The following HMGXB3 variants were observed in gnomAD, a reference collection of about 807,000 sequenced individuals.
The protein encoded by HMGXB3 is HMG-box containing 3, also known as HMG domain-containing protein 3.
A neutral mutation model predicts 121.5 loss-of-function variants in HMGXB3; 45 were observed. That is an observed-to-expected ratio of 0.37 (90% CI 0.29 to 0.47). The LOEUF (loss-of-function observed/expected upper bound fraction) is 0.47. HMGXB3 is among the 20% of genes least tolerant of loss of function. The pLI is 0.99. For synonymous variants in HMGXB3, 590 were observed against 624.1 expected (o/e 0.95, Z 0.81); for missense variants, 1,376 against 1,602.2 (o/e 0.86, Z 2.41).
At chr5:150,004,329 A>G (rs2113720945) in intron 1 of HMGXB3, among the ~76,000 whole-genome samples, 1 of 152,366 alleles carries the variant, frequency 6.6e-6, no homozygotes, top group Middle Eastern at 3.4e-3. Flanking sequence ...ACAAGCTGGC[A>G]GAGTATAAAG....
intron 5 of HMGXB3, among the ~76,000 whole-genome samples, chr5:150,016,340 CAAA>C (rs34992392): frequency 1.6e-4 from 15 of 92,590 alleles, no homozygotes; most frequent in South Asian, 3.6e-4. Flanking sequence ...GACTCTGTCT[CAAA>C]AAAAAAAAAA....
At chr5:150,009,249 T>TAG (rs1318433216) in intron 3 of HMGXB3, among the ~76,000 whole-genome samples, 2 of 152,212 alleles carry the variant, frequency 1.3e-5, no homozygotes, top group African/African-American at 4.8e-5. Flanking sequence ...GCTTTACTGT[T>TAG]TACTAATTTT....
At chr5:150,026,636 G>T (rs750356420) in intron 7 of HMGXB3, 70 bp from the exon 8 acceptor site, 6 of 1,317,974 alleles carry the variant, frequency 4.6e-6, no homozygotes, top group Admixed American at 2.2e-5. Flanking sequence ...AAAGCACTAT[G>T]TAGAGATTGC....
At chr5:150,039,760 T>TTC (rs1211604794) in intron 13 of HMGXB3, among the ~76,000 whole-genome samples, 2 of 89,938 alleles carry the variant, frequency 2.2e-5, no homozygotes, top group African/African-American at 1.4e-4. Context: ...GCGTCATGAC[T>TTC]TTTGCTTTTT....
chr5:150,030,881 G>A (rs1436370337), intron 10 of HMGXB3, 42 bp downstream of exon 10: 3 of 1,471,568 alleles, frequency 2.0e-6, no homozygotes, highest in African/African-American at 1.4e-5. Context: ...CATGGAGGTT[G>A]TTTTGATTTT....
intron 11 of HMGXB3, among the ~76,000 whole-genome samples, chr5:150,034,338 C>G (rs1195789765): frequency 6.6e-6 from 1 of 152,086 alleles, no homozygotes; most frequent in East Asian, 1.9e-4. Flanking sequence ...ACCTTCTAAC[C>G]CTGGAGCTTA....
In HMGXB3 at chr5:150,026,037, A is replaced by G. The variant is rs190136414; in HGVS notation, c.1461-669A>G. ...AGTAGAGACGGAGTTTCACCGTGTTAGCCAGGATGGTCTTGATCTCCTGAC... is the reference window on the plus strand; with the variant it reads ...AGTAGAGACGGAGTTTCACCGTGTTGGCCAGGATGGTCTTGATCTCCTGAC... On this transcript the variant is annotated intron_variant, in intron 7 of 19. Coordinates refer to ENST00000502717, the MANE Select transcript of HMGXB3 (RefSeq NM_014983.3). Among the ~76,000 whole-genome samples, 29 of 151,836 alleles carry G rather than the reference A, an allele frequency of 1.9e-4. No homozygotes were observed. The East Asian group carries it at 4.5e-3, about 23-fold the overall frequency.
intron 7 of HMGXB3, among the ~76,000 whole-genome samples, chr5:150,026,350 C>G (rs556036236): frequency 6.6e-6 from 1 of 152,292 alleles, no homozygotes; most frequent in East Asian, 1.9e-4. Flanking sequence ...GGTCTCTAAG[C>G]TGCTGTCATA....
At chr5:150,049,178 CAG>C (rs1282646005) in intron 18 of HMGXB3, among the ~76,000 whole-genome samples, 2 of 152,156 alleles carry the variant, frequency 1.3e-5, no homozygotes, top group African/African-American at 2.4e-5. Flanking sequence ...AGTGGGGAGA[CAG>C]AGTGAGCTGA....
Position 150,040,855 on chromosome 5 carries a change from C to T in HMGXB3, c.2521C>T (p.Leu841=), listed in dbSNP as rs1756614623. ...EDPRVSINVV[L]KSVQEQTEKT... ...CCCCAGAGTGTCCATCAATGTTGTT[C>T]TGAAGTCGGTGCAGGAGCAGACAGG... Residue 841 remains leucine (L), a synonymous_variant, in exon 14 of 20, where the codon CTG becomes TTG. Coordinates refer to ENST00000502717, the MANE Select transcript of HMGXB3 (RefSeq NM_014983.3). The T allele has an allele frequency of 6.4e-7, 1 of 1,550,658 alleles. No homozygotes were observed. The highest frequency in any genetic ancestry group is 8.7e-7 in the Non-Finnish European group (1 of 1,146,594).
chr5:150,036,701 G>C lies in HMGXB3; in HGVS notation c.2049G>C (p.Glu683Asp). 6.4e-7 allele frequency: 1 copy of C among 1,551,300 alleles called. No homozygotes were observed. The highest frequency in any genetic ancestry group is 8.7e-7 in the Non-Finnish European group (1 of 1,147,002). Residue 683 changes from glutamate (E) to aspartate (D), a missense_variant, in exon 12 of 20, where the codon GAG becomes GAC. Physicochemically the swap from Glu to Asp is conservative, Grantham distance 45. Transcript: ENST00000502717. ...ATEPLSTAQR[E>D]IQRQSTLQLL... The stretch of plus-strand genomic sequence containing the variant: ...AGCCCCTGAGCACAGCCCAGAGGGA[G>C]ATCCAGCGCCAGTCCACACTGCAGC...
intron 4 of HMGXB3, among the ~76,000 whole-genome samples, chr5:150,011,721 C>T (rs1755845685): frequency 6.6e-6 from 1 of 151,322 alleles, no homozygotes; most frequent in Non-Finnish European, 1.5e-5. Flanking sequence ...TCTCCTGCCT[C>T]AGCCTCCAAG....
At chr5:150,036,503 G>T in intron 11 of HMGXB3, 133 bp from the exon 12 acceptor site, 1 of 718,098 alleles carries the variant, frequency 1.4e-6, no homozygotes, top group Non-Finnish European at 2.3e-6. Flanking sequence ...TAGCTGAGCT[G>T]GTTAGGAACC....
At chr5:150,046,100 G>A (rs1756749528) in intron 16 of HMGXB3, among the ~76,000 whole-genome samples, 1 of 152,222 alleles carries the variant, frequency 6.6e-6, no homozygotes, top group Non-Finnish European at 1.5e-5. Context: ...CCCTGGACTA[G>A]CGGGTAAGAG....
intron 7 of HMGXB3, 137 bp downstream of exon 7, chr5:150,024,817 C>T (rs534258151): frequency 1.4e-6 from 1 of 710,396 alleles, no homozygotes; most frequent in African/African-American, 1.8e-5. Flanking sequence ...GAAACCAAGG[C>T]CTAGAGATAT....
Position 150,048,821 on chromosome 5 carries a change from G to A in HMGXB3, c.3201+136G>A, listed in dbSNP as rs1384459861. On this transcript the variant is annotated intron_variant, in intron 18 of 19. Coordinates refer to ENST00000502717, the MANE Select transcript of HMGXB3 (RefSeq NM_014983.3). ...CTCCGGCATAGCTGCCCACGGGTCA[G>A]GTGCTACCCCCTGGGCTAGGGAGGG... 1.6e-5 allele frequency: 11 copies of A among 670,756 alleles called. No individual in the cohort carries two copies. In the East Asian group the frequency reaches 3.0e-4, roughly 18 times the overall value. The allele number at this position is 670,756 out of a possible 1,614,324, so 41.6% of individuals were successfully genotyped here. A position where few individuals can be genotyped will look rare whatever the true frequency, so the allele number is the denominator to read the frequency against.
chr5:150,026,607 C>A (rs1362135909), intron 7 of HMGXB3, 99 bp from the exon 8 acceptor site: 1 of 1,035,876 alleles, frequency 9.7e-7, no homozygotes, highest in Admixed American at 2.7e-5. Context: ...ACAGTTTAAC[C>A]CCAATACTAT....
Position 150,050,234 on chromosome 5 carries a change from C to G in HMGXB3, c.3202-18C>G, listed in dbSNP as rs1333059288. On this transcript the variant is annotated intron_variant, in intron 18 of 19. Coordinates refer to ENST00000502717, the MANE Select transcript of HMGXB3 (RefSeq NM_014983.3). Reference sequence around the variant, plus strand: ...GGCTTCCTAATTAACCCTGCGCCCCCCACCCTTCATCTCCCAGGTGGTCTG... The same window carrying G: ...GGCTTCCTAATTAACCCTGCGCCCCGCACCCTTCATCTCCCAGGTGGTCTG... 4 of 1,549,648 alleles carry G rather than the reference C, an allele frequency of 2.6e-6. No individual in the cohort carries two copies. The highest frequency in any genetic ancestry group is 3.5e-6 in the Non-Finnish European group (4 of 1,145,088).
At position 150,052,329 on chromosome 5, in the gene HMGXB3, T is replaced by C; in HGVS notation, c.*137T>C. On this transcript the variant is annotated 3_prime_UTR_variant, in exon 20 of 20. Coordinates refer to ENST00000502717, the MANE Select transcript of HMGXB3 (RefSeq NM_014983.3). ...TGACTGCTGGGACTGACCAAAGAGC[T>C]TCCATTCCCTGAGCATGGTGGGACC... is the stretch of plus-strand genomic sequence containing the variant. The C allele has an allele frequency of 1.5e-6, 1 of 686,878 alleles. No homozygotes were observed. Among genetic ancestry groups the C allele is most frequent in the South Asian group, 1.9e-5 (1 of 51,518 alleles). 42.5% of individuals were successfully genotyped at this position (686,878 alleles called of 1,614,324 possible).
Sources: allele counts gnomAD v4.1 joint callset (sites outside exome capture counted in the v4.1 genomes callset), GRCh38; gene constraint gnomAD v4.1.1; transcripts MANE v1.5; gene names NCBI Gene and HGNC (gene_info 2026-07-23, HGNC 2026-07-21).